The following MIS18BP1 variants were observed in gnomAD, a reference collection of about 807,000 sequenced individuals.
The protein encoded by MIS18BP1 is MIS18 binding protein 1.
MIS18BP1 carries 72 observed loss-of-function variants against 116.1 expected under a neutral mutation model. The ratio of observed to expected loss-of-function variants is 0.62; its 90% CI spans 0.51 to 0.75. The LOEUF (loss-of-function observed/expected upper bound fraction) is 0.75, where lower values mean the gene tolerates loss of function less well. MIS18BP1 is among the 30% of genes least tolerant of loss of function. The probability of loss-of-function intolerance (pLI) is 0.00; values close to 1 mark genes in which losing one functional copy is unlikely to be tolerated. For missense variants in MIS18BP1, 1,363 were observed against 1,303.2 expected (o/e 1.05, Z -0.71); for synonymous variants, 386 against 427.0 (o/e 0.90, Z 1.18).
chr14:45,208,678 T>C (rs1384520364), intron 14 of MIS18BP1, among the ~76,000 whole-genome samples: 2 of 152,154 alleles, frequency 1.3e-5, no homozygotes, highest in African/African-American at 4.8e-5. Flanking sequence ...AAAGTGCTTA[T>C]CAAAAAATTT....
At chr14:45,245,421 A>G (rs920382126) in intron 2 of MIS18BP1, among the ~76,000 whole-genome samples, 2 of 151,320 alleles carry the variant, frequency 1.3e-5, no homozygotes, top group South Asian at 2.1e-4. Flanking sequence ...CTGGAGTGCA[A>G]TGGCGTGATC....
At chr14:45,212,004 C>T (rs1001809574) in intron 13 of MIS18BP1, among the ~76,000 whole-genome samples, 1 of 152,150 alleles carries the variant, frequency 6.6e-6, no homozygotes, top group Admixed American at 6.6e-5. Context: ...TGCTGGGGCT[C>T]TGCTCTGTTT....
Position 45,203,296 on chromosome 14 carries a change from C to G in MIS18BP1, c.*813G>C, listed in dbSNP as rs902153709. 6.6e-6 allele frequency: 1 copy of G among 151,928 alleles called. No homozygotes were observed. The highest frequency in any genetic ancestry group is 1.5e-5 in the Non-Finnish European group (1 of 67,948). The allele number at this position is 151,928 out of a possible 1,614,324, so 9.4% of individuals were successfully genotyped here. On this transcript the variant is annotated 3_prime_UTR_variant, in exon 17 of 17. Coordinates refer to ENST00000310806, the MANE Select transcript of MIS18BP1 (RefSeq NM_018353.5). ...TCCTATGTCAAGTTTCAAAACATAA[C>G]AAGCAAAAATAAGTTTATTTCTAAA...
At chr14:45,205,725 T>C (rs944771573) in intron 15 of MIS18BP1, among the ~76,000 whole-genome samples, 8 of 152,236 alleles carry the variant, frequency 5.3e-5, no homozygotes, top group African/African-American at 1.9e-4. Context: ...TTTATGAGAA[T>C]TGTGACTCAG....
intron 13 of MIS18BP1, among the ~76,000 whole-genome samples, chr14:45,216,427 C>T (rs549505531): frequency 6.6e-6 from 1 of 152,286 alleles, no homozygotes; most frequent in East Asian, 1.9e-4. Context: ...GGATTACTAA[C>T]TAAAATGACC....
intron 1 of MIS18BP1, among the ~76,000 whole-genome samples, chr14:45,248,850 T>C (rs1477629288): frequency 1.3e-5 from 2 of 152,194 alleles, no homozygotes; most frequent in African/African-American, 2.4e-5. Flanking sequence ...CATGTATATG[T>C]TTATGATGTG....
At chr14:45,242,012 T>C in intron 4 of MIS18BP1, 22 bp downstream of exon 4, 4 of 1,563,890 alleles carry the variant, frequency 2.6e-6, no homozygotes, top group Non-Finnish European at 3.5e-6. Context: ...GAAATAAATA[T>C]CTGTCTTAAA....
intron 11 of MIS18BP1, among the ~76,000 whole-genome samples, chr14:45,221,229 G>A (rs891491276): frequency 1.3e-5 from 2 of 152,110 alleles, no homozygotes; most frequent in Non-Finnish European, 1.5e-5. Flanking sequence ...ACGAGGTCAG[G>A]AGATCGAGAC....
intron 14 of MIS18BP1, among the ~76,000 whole-genome samples, chr14:45,207,800 A>T (rs1315254367): frequency 2.6e-5 from 4 of 152,226 alleles, no homozygotes; most frequent in African/African-American, 9.6e-5. Context: ...AAGTACGTCA[A>T]TTACTAGAGC....
At chr14:45,232,416 C>CAAAAA (rs532665472) in intron 7 of MIS18BP1, 64 of 95,942 alleles carry the variant, frequency 6.7e-4, no homozygotes, top group South Asian at 1.6e-3. Context: ...GATTCCATCT[C>CAAAAA]AAAAAAAAAA....
chr14:45,214,223 G>C (rs1385842395), intron 13 of MIS18BP1, among the ~76,000 whole-genome samples: 2 of 152,170 alleles, frequency 1.3e-5, no homozygotes. Flanking sequence ...TCTCCTGCTC[G>C]TCCCTGGGCA....
rs149478534 is a variant in MIS18BP1, at chr14:45,229,799, C to T, written c.1594+1342G>A. Among the ~76,000 whole-genome samples the T allele has an allele frequency of 3.1e-3, 475 of 152,114 alleles. 2 individuals carry two copies. The highest frequency in any genetic ancestry group is 0.011 in the African/African-American group (449 of 41,488). On this transcript the variant is annotated intron_variant, in intron 8 of 16. Coordinates refer to ENST00000310806, the MANE Select transcript of MIS18BP1 (RefSeq NM_018353.5). ...GAGTAAAAAAGTAGAGAGCAGGTGC[C>T]GAAGCCCCAAGGTTCCAGCATACTC...
chr14:45,247,313 C>A lies in MIS18BP1; in HGVS notation c.-27G>T. 6.6e-7 allele frequency: 1 copy of A among 1,511,086 alleles called. No homozygotes were observed. The highest frequency in any genetic ancestry group is 1.4e-5 in the South Asian group (1 of 74,068). 93.6% of individuals were successfully genotyped at this position (1,511,086 alleles called of 1,614,324 possible). A position where few individuals can be genotyped will look rare whatever the true frequency, so the allele number is the denominator to read the frequency against. On this transcript the variant is annotated 5_prime_UTR_variant, in exon 2 of 17. Transcript: ENST00000310806. ...TTGACAAGAAAGTAGCAACCAAGTT[C>A]TTCTAACAGAAAATTCACTTAAGCG...
intron 8 of MIS18BP1, among the ~76,000 whole-genome samples, chr14:45,228,999 C>G (rs1891203332): frequency 6.6e-6 from 1 of 151,980 alleles, no homozygotes; most frequent in South Asian, 2.1e-4. Context: ...CCAACCACCA[C>G]TCAAAATAAC....
intron 13 of MIS18BP1, among the ~76,000 whole-genome samples, chr14:45,212,316 A>C (rs1890697548): frequency 6.6e-6 from 1 of 152,116 alleles, no homozygotes; most frequent in Admixed American, 6.5e-5. Flanking sequence ...AGCCATCTAC[A>C]GCCTAAACTC....
intron 4 of MIS18BP1, among the ~76,000 whole-genome samples, chr14:45,240,338 C>T (rs910277429): frequency 6.6e-6 from 1 of 152,108 alleles, no homozygotes; most frequent in East Asian, 1.9e-4. Flanking sequence ...AAATATAAAG[C>T]GTAACACTTC....
intron 4 of MIS18BP1, among the ~76,000 whole-genome samples, chr14:45,238,997 G>A (rs939108977): frequency 6.6e-6 from 1 of 152,130 alleles, no homozygotes; most frequent in African/African-American, 2.4e-5. Flanking sequence ...ACTTGGGGAA[G>A]TAACAGTAAA....
chr14:45,246,832 C>T lies in MIS18BP1; in HGVS notation c.455G>A (p.Arg152Lys), dbSNP rs1254646710. Residue 152 changes from arginine (R) to lysine (K), a missense_variant, in exon 2 of 17, where the codon AGA (arginine) becomes AAA (lysine). Arg to Lys is a conservative substitution (Grantham distance 26). Coordinates refer to ENST00000310806, the MANE Select transcript of MIS18BP1 (RefSeq NM_018353.5). ...ATGCTGCAATTTTTTTTTTTCAACTCTGTTAGGAGTGAAGGTTTCATTATT... is the reference window on the plus strand; with the variant it reads ...ATGCTGCAATTTTTTTTTTTCAACTTTGTTAGGAGTGAAGGTTTCATTATT... Reference protein sequence around the residue: ...SGNNETFTPNRVEKKKLQHTY... With the variant: ...SGNNETFTPNKVEKKKLQHTY... 1.2e-6 allele frequency: 2 copies of T among 1,602,172 alleles called. No homozygotes were observed. Among genetic ancestry groups the T allele is most frequent in the Non-Finnish European group, 8.5e-7 (1 of 1,176,478 alleles).
At chr14:45,207,742 T>C (rs1467879024) in intron 14 of MIS18BP1, among the ~76,000 whole-genome samples, 2 of 152,224 alleles carry the variant, frequency 1.3e-5, no homozygotes, top group African/African-American at 2.4e-5. Flanking sequence ...AAAGAGTTTT[T>C]CACTTCTGAA....
Sources: allele counts gnomAD v4.1 joint callset (sites outside exome capture counted in the v4.1 genomes callset), GRCh38; gene constraint gnomAD v4.1.1; transcripts MANE v1.5; gene names NCBI Gene and HGNC (gene_info 2026-07-23, HGNC 2026-07-21).